GAREM1: variants seen among roughly 807,000 people sequenced by gnomAD.
GAREM1 encodes the protein GRB2 associated regulator of MAPK1 subtype 1.
Under a neutral mutation model 71.3 loss-of-function variants are expected in GAREM1, and 26 were observed. The ratio of observed to expected loss-of-function variants is 0.36; its 90% CI spans 0.27 to 0.51. The LOEUF (loss-of-function observed/expected upper bound fraction) is 0.51, where lower values mean the gene tolerates loss of function less well. GAREM1 is among the 20% of genes least tolerant of loss of function. The pLI is 0.95. For synonymous variants in GAREM1, 440 were observed against 433.2 expected (o/e 1.02, Z -0.20); for missense variants, 1,026 against 1,103.1 (o/e 0.93, Z 0.99).
intron 2 of GAREM1, among the ~76,000 whole-genome samples, chr18:32,373,764 C>T (rs1040494146): frequency 1.3e-5 from 2 of 152,154 alleles, no homozygotes; most frequent in African/African-American, 4.8e-5. Context: ...AATTTTCCAT[C>T]ACCTGCTTTA....
intron 1 of GAREM1, among the ~76,000 whole-genome samples, chr18:32,451,138 G>A (rs1470564602): frequency 6.6e-6 from 1 of 152,068 alleles, no homozygotes; most frequent in Non-Finnish European, 1.5e-5. Context: ...ATGACAGAGT[G>A]AGACCTTGTC....
chr18:32,432,131 T>C (rs1416134099), intron 1 of GAREM1, among the ~76,000 whole-genome samples: 2 of 152,140 alleles, frequency 1.3e-5, no homozygotes, highest in Non-Finnish European at 2.9e-5. Flanking sequence ...GGAAGAATAA[T>C]AGAAATAGTA....
chr18:32,453,318 G>T (rs2048858553), intron 1 of GAREM1, among the ~76,000 whole-genome samples: 1 of 152,122 alleles, frequency 6.6e-6, no homozygotes, highest in Admixed American at 6.5e-5. Context: ...AATTCAAGAT[G>T]AGATTTGGGC....
chr18:32,288,123 C>T lies in GAREM1; in HGVS notation c.474G>A (p.Gly158=), dbSNP rs34743189. ...LCTGDELTLM[G]QAEILYAKTF... is the part of the protein sequence containing the mutation. Reference sequence around the variant, plus strand: ...TCTTTGCATAAAGGATTTCTGCCTGCCCCATTAGAGTGAGTTCATCCCCAG... The same window carrying T: ...TCTTTGCATAAAGGATTTCTGCCTGTCCCATTAGAGTGAGTTCATCCCCAG... The change falls in exon 4 of 6, where the codon GGG becomes GGA. Residue 158 remains glycine (G), a synonymous_variant. Transcript: ENST00000269209. 1,517 of 1,614,012 alleles carry T rather than the reference C, an allele frequency of 9.4e-4. 15 individuals are homozygous for T. In the African/African-American group the frequency reaches 0.018, roughly 19 times the overall value.
At chr18:32,461,650 G>A (rs899291013) in intron 1 of GAREM1, among the ~76,000 whole-genome samples, 2 of 152,018 alleles carry the variant, frequency 1.3e-5, no homozygotes, top group Non-Finnish European at 2.9e-5. Context: ...AGCAATGATC[G>A]CACCACTGCA....
intron 2 of GAREM1, among the ~76,000 whole-genome samples, chr18:32,358,124 A>AC (rs2047823638): frequency 1.5e-5 from 1 of 66,080 alleles, no homozygotes; most frequent in Admixed American, 2.2e-4. Context: ...AGCTGAGCCC[A>AC]CCCCCCACCC....
intron 1 of GAREM1, among the ~76,000 whole-genome samples, chr18:32,415,558 C>T (rs1227450121): frequency 6.6e-6 from 1 of 152,018 alleles, no homozygotes; most frequent in Non-Finnish European, 1.5e-5. Context: ...GGGATGCAAG[C>T]ACAGTTCAAC....
At chr18:32,416,080 T>C (rs2048463927) in intron 1 of GAREM1, among the ~76,000 whole-genome samples, 1 of 151,856 alleles carries the variant, frequency 6.6e-6, no homozygotes, top group Non-Finnish European at 1.5e-5. Flanking sequence ...ATGCCAACAG[T>C]GAACAATCTG....
chr18:32,348,805 T>C (rs1228332693), intron 2 of GAREM1, among the ~76,000 whole-genome samples: 1 of 152,200 alleles, frequency 6.6e-6, no homozygotes, highest in Non-Finnish European at 1.5e-5. Flanking sequence ...GTTGAGAGGA[T>C]ATTAAAAAAT....
In GAREM1 at chr18:32,330,436, A is replaced by G. The variant is rs558040584; in HGVS notation, c.263-20113T>C. 9.8e-4 allele frequency among the ~76,000 whole-genome samples: 149 copies of G among 152,306 alleles called. 1 individual carries two copies. Among genetic ancestry groups the G allele is most frequent in the South Asian group, 1.0e-3 (5 of 4,830 alleles). On this transcript the variant is annotated intron_variant, in intron 2 of 5. Transcript: ENST00000269209. ...TTACATGGGTGACAGGATCATTTGT[A>G]TCACAAACGTCAGCATCATGCAATG... is the stretch of plus-strand genomic sequence containing the variant.
At chr18:32,334,935 C>A (rs1241244806) in intron 2 of GAREM1, among the ~76,000 whole-genome samples, 2 of 152,108 alleles carry the variant, frequency 1.3e-5, no homozygotes, top group East Asian at 3.9e-4. Context: ...TGATACTACC[C>A]TCTCTTTGCT....
chr18:32,457,442 G>C (rs1235215842), intron 1 of GAREM1, among the ~76,000 whole-genome samples: 1 of 151,800 alleles, frequency 6.6e-6, no homozygotes, highest in Non-Finnish European at 1.5e-5. Context: ...CCAACTCCAT[G>C]GCCTCTGCTT....
intron 2 of GAREM1, among the ~76,000 whole-genome samples, chr18:32,348,466 G>A (rs1598979789): frequency 6.6e-6 from 1 of 152,330 alleles, no homozygotes; most frequent in Admixed American, 6.5e-5. Flanking sequence ...GCTCACACCT[G>A]TAATCCCAGC....
intron 2 of GAREM1, among the ~76,000 whole-genome samples, chr18:32,386,140 T>C (rs1169208225): frequency 3.3e-5 from 5 of 152,232 alleles, no homozygotes; most frequent in African/African-American, 1.2e-4. Flanking sequence ...ACATAAGCTT[T>C]ATCCCATATA....
chr18:32,330,195 G>A (rs1265236593), intron 2 of GAREM1, among the ~76,000 whole-genome samples: 1 of 152,182 alleles, frequency 6.6e-6, no homozygotes, highest in Non-Finnish European at 1.5e-5. Flanking sequence ...AACAAATCAT[G>A]TCTTTTGCAG....
intron 3 of GAREM1, among the ~76,000 whole-genome samples, chr18:32,296,109 C>T (rs981662794): frequency 1.3e-5 from 2 of 151,848 alleles, no homozygotes; most frequent in Admixed American, 6.6e-5. Flanking sequence ...ACTACAGGCA[C>T]GCGGCACCAT....
chr18:32,296,274 GAAT>G (rs1255148444), intron 3 of GAREM1, among the ~76,000 whole-genome samples: 6 of 152,004 alleles, frequency 3.9e-5, no homozygotes, highest in African/African-American at 1.4e-4. Context: ...TTTTTATTTG[GAAT>G]AATCTCAGAT....
chr18:32,440,910 C>T (rs1207074586), intron 1 of GAREM1, among the ~76,000 whole-genome samples: 1 of 152,034 alleles, frequency 6.6e-6, no homozygotes. Flanking sequence ...CTCTATGAGC[C>T]CAAGTGTAAA....
intron 3 of GAREM1, among the ~76,000 whole-genome samples, chr18:32,293,736 T>C (rs867431456): frequency 2.6e-5 from 4 of 152,174 alleles, no homozygotes; most frequent in Non-Finnish European, 1.5e-5. Flanking sequence ...AAAGTAACTA[T>C]GTAGTGGAGA....
Sources: gnomAD v4.1 joint callset for allele counts (sites outside exome capture counted in the v4.1 genomes callset) on GRCh38, gnomAD v4.1.1 for gene constraint, MANE v1.5 for transcripts, NCBI Gene and HGNC (gene_info 2026-07-23, HGNC 2026-07-21) for gene names.